Variants in CGRRF1 observed in about 807,000 individuals in gnomAD.
CGRRF1 encodes the protein cell growth regulator with RING finger domain protein 1.
CGRRF1 carries 32 observed loss-of-function variants against 37.2 expected under a neutral mutation model. The observed-to-expected ratio is 0.86, with a 90% CI of 0.65 to 1.16. The LOEUF is 1.16. Ranked by LOEUF, CGRRF1 falls within the 50% of genes most tolerant of loss-of-function variation. CGRRF1 has a pLI of 0.00. For missense variants in CGRRF1, 391 were observed against 382.6 expected (o/e 1.02, Z -0.18); for synonymous variants, 141 against 140.3 (o/e 1.00, Z -0.04).
chr14:54,531,000 G>GT lies in CGRRF1; in HGVS notation c.521dup (p.Ala175SerfsTer7). On this transcript the variant is annotated frameshift_variant, in exon 4 of 6. Transcript: ENST00000216420. LOFTEE classifies it high-confidence loss of function. ...AGTACCCAGATCTCGCTATCCATTGGTAGCGCTATTGACCTTAGCTGATGA... is the reference window on the plus strand; with the variant it reads ...AGTACCCAGATCTCGCTATCCATTGGTTAGCGCTATTGACCTTAGCTGATGA... 1 of 1,611,150 alleles carries GT rather than the reference G, an allele frequency of 6.2e-7. No homozygotes were observed. The highest frequency in any genetic ancestry group is 8.5e-7 in the Non-Finnish European group (1 of 1,177,526).
chr14:54,537,555 C>T (rs544897139), intron 4 of CGRRF1, 167 bp from the exon 5 acceptor site: 1 of 622,452 alleles, frequency 1.6e-6, no homozygotes, highest in South Asian at 5.3e-5. Context: ...ATGATTTAAT[C>T]AGATTGACGT....
intron 4 of CGRRF1, chr14:54,536,780 A>G (rs1335941754): frequency 6.6e-6 from 1 of 152,096 alleles, no homozygotes; most frequent in Non-Finnish European, 1.5e-5. Context: ...CCTTGTGAAT[A>G]TTTATTCTAG....
At chr14:54,527,421 C>T (rs1019837194) in intron 2 of CGRRF1, among the ~76,000 whole-genome samples, 3 of 151,994 alleles carry the variant, frequency 2.0e-5, no homozygotes, top group Admixed American at 2.0e-4. Flanking sequence ...TGTAGCAAAC[C>T]TGCACATTGT....
intron 1 of CGRRF1, among the ~76,000 whole-genome samples, chr14:54,520,806 G>A (rs1457395569): frequency 2.6e-5 from 4 of 152,042 alleles, no homozygotes; most frequent in African/African-American, 4.8e-5. Context: ...TCATTTCAGC[G>A]GAGTCTTTCT....
intron 2 of CGRRF1, among the ~76,000 whole-genome samples, chr14:54,529,516 G>C (rs2032471296): frequency 6.6e-6 from 1 of 152,164 alleles, no homozygotes; most frequent in African/African-American, 2.4e-5. Flanking sequence ...GGGACATTAA[G>C]TCTGTGACAA....
intron 2 of CGRRF1, among the ~76,000 whole-genome samples, chr14:54,528,133 T>G (rs2032444948): frequency 6.6e-6 from 1 of 152,180 alleles, no homozygotes; most frequent in Non-Finnish European, 1.5e-5. Flanking sequence ...TACCTTGCTT[T>G]TTTTTCATTT....
Position 54,509,930 on chromosome 14 carries a change from G to A in CGRRF1, c.-30G>A. 6.4e-7 allele frequency: 1 copy of A among 1,550,476 alleles called. No homozygotes were observed. Among genetic ancestry groups the A allele is most frequent in the Non-Finnish European group, 8.9e-7 (1 of 1,122,696 alleles). On this transcript the variant is annotated 5_prime_UTR_variant, in exon 1 of 6. Transcript: ENST00000216420. ...CGGGCTGGGCTGGGCTCCGCGGCTGGAGCCGGGCTCTACCCAGAGCAAGAC... is the reference window on the plus strand; with the variant it reads ...CGGGCTGGGCTGGGCTCCGCGGCTGAAGCCGGGCTCTACCCAGAGCAAGAC...
intron 4 of CGRRF1, among the ~76,000 whole-genome samples, chr14:54,535,045 T>C (rs2032577949): frequency 6.6e-6 from 1 of 152,182 alleles, no homozygotes; most frequent in African/African-American, 2.4e-5. Flanking sequence ...CATACACATA[T>C]ATATGATCGT....
rs771846035 is a variant in CGRRF1 at position 54,537,812 on chromosome 14, C to T, written c.661C>T (p.Gln221Ter). 6.9e-6 allele frequency: 11 copies of T among 1,602,832 alleles called. No individual in the cohort carries two copies. The Admixed American group carries it at 8.8e-5, about 13-fold the overall frequency. Residue 221 changes from glutamine to a stop codon, truncating the protein, a stop_gained, in exon 5 of 6, where the codon CAA becomes TAA. Coordinates refer to ENST00000216420, the MANE Select transcript of CGRRF1 (RefSeq NM_006568.3). LOFTEE classifies it high-confidence loss of function. ...LYQYLLLAQG[Q>*]FHDLKQLFMS... ...TCAATATTTACTCTTGGCTCAAGGT[C>T]AATTTCATGATCTTAAGGTAAGCCG...
At chr14:54,513,793 C>T (rs2032170950) in intron 1 of CGRRF1, among the ~76,000 whole-genome samples, 1 of 151,994 alleles carries the variant, frequency 6.6e-6, no homozygotes, top group South Asian at 2.1e-4. Flanking sequence ...TGGCAAAACT[C>T]GGTCTCTACA....
At chr14:54,514,150 C>T (rs1206725411) in intron 1 of CGRRF1, among the ~76,000 whole-genome samples, 5 of 152,098 alleles carry the variant, frequency 3.3e-5, no homozygotes, top group Non-Finnish European at 5.9e-5. Flanking sequence ...TCATGAGGCC[C>T]AGATCTCTGC....
chr14:54,538,061 A>G lies in CGRRF1; in HGVS notation c.679-2A>G. On this transcript the variant is annotated splice_acceptor_variant, in intron 5 of 5. Coordinates refer to ENST00000216420, the MANE Select transcript of CGRRF1 (RefSeq NM_006568.3). LOFTEE classifies it high-confidence loss of function. ...CTTTAAATTTATTTCTTTGATTTTC[A>G]GCAACTTTTCATGTCTGCAAATAAT... The G allele has an allele frequency of 1.9e-6, 3 of 1,579,734 alleles. No homozygotes were observed. The highest frequency in any genetic ancestry group is 2.6e-6 in the Non-Finnish European group (3 of 1,167,148).
At chr14:54,525,274 G>C (rs560158746) in intron 2 of CGRRF1, among the ~76,000 whole-genome samples, 1 of 152,176 alleles carries the variant, frequency 6.6e-6, no homozygotes, top group Non-Finnish European at 1.5e-5. Flanking sequence ...CAAAACACAG[G>C]GCACTTGTGA....
intron 1 of CGRRF1, among the ~76,000 whole-genome samples, chr14:54,515,979 C>G (rs2032208761): frequency 6.6e-6 from 1 of 151,890 alleles, no homozygotes; most frequent in Non-Finnish European, 1.5e-5. Context: ...TTTGTTTTGT[C>G]TGTTCTTTGT....
At chr14:54,531,206 G>A in intron 4 of CGRRF1, 156 bp downstream of exon 4, 1 of 588,274 alleles carries the variant, frequency 1.7e-6, no homozygotes, top group Non-Finnish European at 3.0e-6. Context: ...ATGTGAAACA[G>A]TACCTTCAGA....
intron 4 of CGRRF1, among the ~76,000 whole-genome samples, chr14:54,533,960 A>T (rs927139080): frequency 3.2e-4 from 49 of 152,148 alleles, no homozygotes; most frequent in Admixed American, 2.7e-3. Context: ...ATATGTAATT[A>T]AAAAAGGGAT....
chr14:54,537,642 C>A, intron 4 of CGRRF1, 80 bp from the exon 5 acceptor site: 1 of 1,308,190 alleles, frequency 7.6e-7, no homozygotes, highest in Non-Finnish European at 9.9e-7. Flanking sequence ...TGTCTAGAAG[C>A]AGTTGAAAAG....
chr14:54,512,587 T>A (rs2032147482), intron 1 of CGRRF1, among the ~76,000 whole-genome samples: 1 of 152,202 alleles, frequency 6.6e-6, no homozygotes, highest in Non-Finnish European at 1.5e-5. Flanking sequence ...CTACATTTCT[T>A]CTTTGCAAGC....
At chr14:54,529,485 A>G (rs1159220496) in intron 2 of CGRRF1, among the ~76,000 whole-genome samples, 1 of 152,226 alleles carries the variant, frequency 6.6e-6, no homozygotes, top group Non-Finnish European at 1.5e-5. Flanking sequence ...TCTTTTCCTC[A>G]GGATATTTTG....
Sources: allele counts gnomAD v4.1 joint callset (sites outside exome capture counted in the v4.1 genomes callset), GRCh38; gene constraint gnomAD v4.1.1; transcripts MANE v1.5; gene names NCBI Gene and HGNC (gene_info 2026-07-23, HGNC 2026-07-21).